Variants in M1AP observed in about 807,000 individuals in gnomAD.
M1AP encodes meiosis 1 associated protein.
M1AP carries 39 observed loss-of-function variants against 51.2 expected under a neutral mutation model. The ratio of observed to expected loss-of-function variants is 0.76; its 90% CI spans 0.59 to 1.00. M1AP has a LOEUF of 1.00. Among genes scored for constraint, M1AP ranks in the 50% least tolerant of loss-of-function variants. The pLI, the probability that M1AP is intolerant of heterozygous loss-of-function variation, is 0.00. For synonymous variants in M1AP, 251 were observed against 249.2 expected (o/e 1.01, Z -0.07); for missense variants, 545 against 641.2 (o/e 0.85, Z 1.62).
intron 4 of M1AP, among the ~76,000 whole-genome samples, chr2:74,590,082 A>G (rs1302751499): frequency 6.6e-6 from 1 of 152,230 alleles, no homozygotes; most frequent in African/African-American, 2.4e-5. Flanking sequence ...TGATTTACAT[A>G]ATTTCTGACT....
chr2:74,566,877 G>A (rs1387363448), intron 7 of M1AP, among the ~76,000 whole-genome samples: 1 of 152,140 alleles, frequency 6.6e-6, no homozygotes, highest in African/African-American at 2.4e-5. Context: ...TGGCCAATTA[G>A]GGCAGACATG....
intron 4 of M1AP, among the ~76,000 whole-genome samples, chr2:74,591,090 T>A (rs2104631359): frequency 6.6e-6 from 1 of 152,342 alleles, no homozygotes. Flanking sequence ...GAAAGCAATT[T>A]GTGGACTTTA....
At chr2:74,631,517 C>T (rs1471941952) in intron 2 of M1AP, among the ~76,000 whole-genome samples, 2 of 152,076 alleles carry the variant, frequency 1.3e-5, no homozygotes, top group African/African-American at 2.4e-5. Flanking sequence ...ATCTCTATTA[C>T]TTGTCACCTT....
chr2:74,627,034 C>T (rs1201592133), intron 2 of M1AP, among the ~76,000 whole-genome samples: 2 of 152,158 alleles, frequency 1.3e-5, no homozygotes, highest in African/African-American at 4.8e-5. Context: ...TACATTTGTA[C>T]ATTAGGGATA....
intron 2 of M1AP, chr2:74,620,891 C>A: frequency 1.1e-5 from 2 of 178,004 alleles, no homozygotes; most frequent in South Asian, 1.3e-4. Flanking sequence ...CCTTGAGAAT[C>A]ACTTCCGCGG....
At chr2:74,619,457 TG>T (rs1410193992) in intron 2 of M1AP, 1 of 153,390 alleles carries the variant, frequency 6.5e-6, no homozygotes, top group East Asian at 1.9e-4. Flanking sequence ...AGCACTATGC[TG>T]CTCTTCATGC....
intron 1 of M1AP, 113 bp from the exon 2 acceptor site, chr2:74,640,440 C>T: frequency 1.2e-6 from 1 of 838,504 alleles, no homozygotes; most frequent in Non-Finnish European, 1.8e-6. Context: ...AGATTGGGTA[C>T]TAAAGCTTGT....
At chr2:74,641,519 C>T (rs540620871) in intron 1 of M1AP, among the ~76,000 whole-genome samples, 14 of 152,194 alleles carry the variant, frequency 9.2e-5, no homozygotes, top group African/African-American at 3.1e-4. Context: ...ATTTTAGAAA[C>T]CTAAATAGTC....
At chr2:74,619,119 C>CGGCACA (rs1389712603) in intron 2 of M1AP, 1 of 294,734 alleles carries the variant, frequency 3.4e-6, no homozygotes, top group African/African-American at 2.2e-5. Flanking sequence ...GACTATCAGA[C>CGGCACA]GGCACAGGTT....
rs544063962 is a variant in M1AP at position 74,644,796 on chromosome 2, T to C, written c.-53+3469A>G. Among the ~76,000 whole-genome samples the C allele has an allele frequency of 5.9e-5, 9 of 152,316 alleles. No homozygotes were observed. The East Asian group carries it at 1.7e-3, about 29-fold the overall frequency. On this transcript the variant is annotated intron_variant, in intron 1 of 10. Transcript: ENST00000421985. ...ACCAAGAAAGCACATAACATATTTT[T>C]AAACTGTACTTTAAGTACATGGGGC...
At chr2:74,605,083 AAAAC>A (rs537377956) in intron 4 of M1AP, among the ~76,000 whole-genome samples, 8 of 152,236 alleles carry the variant, frequency 5.3e-5, no homozygotes, top group Admixed American at 1.3e-4. Context: ...CAAAAATAAA[AAAAC>A]AAACAAACAA....
At chr2:74,582,286 T>A (rs148229508) in intron 4 of M1AP, among the ~76,000 whole-genome samples, 1 of 152,262 alleles carries the variant, frequency 6.6e-6, no homozygotes, top group East Asian at 1.9e-4. Context: ...TCTCTAGACA[T>A]CTAGCCTAGA....
intron 7 of M1AP, among the ~76,000 whole-genome samples, chr2:74,573,169 C>T (rs1678852935): frequency 6.6e-6 from 1 of 151,932 alleles, no homozygotes; most frequent in Middle Eastern, 3.2e-3. Flanking sequence ...GCCTCAGCCT[C>T]CCAAGTAGCT....
intron 1 of M1AP, among the ~76,000 whole-genome samples, chr2:74,641,169 CTTAA>C (rs1335306395): frequency 4.6e-5 from 7 of 152,202 alleles, no homozygotes; most frequent in South Asian, 2.1e-4. Context: ...CCTGTCATTA[CTTAA>C]TTGTTAGCCT....
At chr2:74,602,733 G>A (rs1680743742) in intron 4 of M1AP, among the ~76,000 whole-genome samples, 1 of 152,162 alleles carries the variant, frequency 6.6e-6, no homozygotes, top group Non-Finnish European at 1.5e-5. Context: ...TTTGAGCAAT[G>A]AGTCATATAC....
rs371648503 is a variant in M1AP, at chr2:74,575,628, C to A, written c.933-49G>T. 3 of 1,427,262 alleles carry A rather than the reference C, an allele frequency of 2.1e-6. No individual in the cohort carries two copies. In the South Asian group the frequency reaches 3.5e-5, roughly 17 times the overall value. The allele number at this position is 1,427,262 out of a possible 1,614,324, so 88.4% of individuals were successfully genotyped here. ...AAGACTCCTTAGTGATATCTAGAAC[C>A]TCCACCTAGATCCACTTCAATTCAG... On this transcript the variant is annotated intron_variant, in intron 6 of 10. Transcript: ENST00000421985.
chr2:74,559,625 G>A (rs1677769113), intron 10 of M1AP, 73 bp downstream of exon 10: 2 of 716,738 alleles, frequency 2.8e-6, no homozygotes, highest in South Asian at 3.0e-5. Flanking sequence ...ACCCCAGATA[G>A]TCATGGGAGT....
At chr2:74,559,588 T>C in intron 10 of M1AP, 110 bp downstream of exon 10, 2 of 690,458 alleles carry the variant, frequency 2.9e-6, no homozygotes. Flanking sequence ...TCAATCACTC[T>C]TCCCTCTTCA....
intron 4 of M1AP, among the ~76,000 whole-genome samples, chr2:74,603,900 G>A (rs527991997): frequency 6.6e-6 from 1 of 152,280 alleles, no homozygotes; most frequent in African/African-American, 2.4e-5. Context: ...CGACCAGAAA[G>A]AAATCGATGG....
Sources: allele counts gnomAD v4.1 joint callset (sites outside exome capture counted in the v4.1 genomes callset), GRCh38; gene constraint gnomAD v4.1.1; transcripts MANE v1.5; gene names NCBI Gene and HGNC (gene_info 2026-07-23, HGNC 2026-07-21).